Variants in MVB12B observed in about 807,000 individuals in gnomAD.
The protein encoded by MVB12B is multivesicular body subunit 12B.
Under a neutral mutation model 41.6 loss-of-function variants are expected in MVB12B, and 16 were observed. The observed-to-expected ratio is 0.38, with a 90% CI of 0.26 to 0.58. The LOEUF is 0.58. Ranked by LOEUF, MVB12B falls within the 20% of genes least tolerant of loss-of-function variation. MVB12B has a pLI of 0.62. For missense variants in MVB12B, 274 were observed against 380.2 expected (o/e 0.72, Z 2.32); for synonymous variants, 133 against 139.7 (o/e 0.95, Z 0.34).
intron 9 of MVB12B, among the ~76,000 whole-genome samples, chr9:126,500,918 ATGCTGGGCTG>A (rs1224410017): frequency 9.8e-5 from 15 of 152,310 alleles, no homozygotes; most frequent in Admixed American, 7.2e-4. Flanking sequence ...GGTGGCCTTC[ATGCTGGGCTG>A]TGCTGGGCAT....
intron 7 of MVB12B, among the ~76,000 whole-genome samples, chr9:126,475,428 A>G (rs1833401888): frequency 6.6e-6 from 1 of 152,212 alleles, no homozygotes; most frequent in Non-Finnish European, 1.5e-5. Flanking sequence ...GTATTTATCC[A>G]TCTTGTGTAC....
chr9:126,483,589 G>A (rs1449944531), intron 8 of MVB12B, among the ~76,000 whole-genome samples: 3 of 152,212 alleles, frequency 2.0e-5, no homozygotes, highest in Middle Eastern at 3.4e-3. Flanking sequence ...GGGCACCTCC[G>A]GTTTATAGCT....
chr9:126,451,114 G>C (rs11790214), intron 7 of MVB12B, among the ~76,000 whole-genome samples: 2 of 152,202 alleles, frequency 1.3e-5, no homozygotes, highest in Non-Finnish European at 2.9e-5. Context: ...GGGGTCAGAG[G>C]AGGAGGAAGA....
intron 7 of MVB12B, among the ~76,000 whole-genome samples, chr9:126,435,029 C>T (rs892114273): frequency 8.5e-5 from 13 of 152,054 alleles, no homozygotes; most frequent in Non-Finnish European, 1.6e-4. Context: ...TTGTATCCAC[C>T]CTTTCCAGCT....
chr9:126,399,425 G>A (rs1029995871), intron 6 of MVB12B, among the ~76,000 whole-genome samples: 2 of 152,212 alleles, frequency 1.3e-5, no homozygotes, highest in Non-Finnish European at 2.9e-5. Flanking sequence ...CTTTGGGGCT[G>A]GGCCCAGCTT....
At chr9:126,498,419 C>T (rs1312573318) in intron 9 of MVB12B, among the ~76,000 whole-genome samples, 1 of 152,238 alleles carries the variant, frequency 6.6e-6, no homozygotes, top group Non-Finnish European at 1.5e-5. Flanking sequence ...TGGCCCCAGC[C>T]TTGGCCCCTT....
At chr9:126,479,679 A>C (rs896829720) in intron 7 of MVB12B, among the ~76,000 whole-genome samples, 2 of 152,216 alleles carry the variant, frequency 1.3e-5, no homozygotes, top group Non-Finnish European at 2.9e-5. Flanking sequence ...GCCTCTGACC[A>C]GGAGTCTCTG....
At chr9:126,433,717 C>T (rs751718576) in intron 7 of MVB12B, among the ~76,000 whole-genome samples, 2 of 152,134 alleles carry the variant, frequency 1.3e-5, no homozygotes, top group Non-Finnish European at 2.9e-5. Flanking sequence ...GCCATTGCAG[C>T]CCGTGAGCAT....
At chr9:126,370,231 G>A (rs921656076) in intron 2 of MVB12B, among the ~76,000 whole-genome samples, 25 of 152,234 alleles carry the variant, frequency 1.6e-4, no homozygotes, top group African/African-American at 6.0e-4. Flanking sequence ...ATATGGACAT[G>A]TGCCCTCTGA....
chr9:126,468,003 T>C lies in MVB12B; in HGVS notation c.758-13366T>C, dbSNP rs1247153615. On this transcript the variant is annotated intron_variant, in intron 7 of 9. Coordinates refer to ENST00000361171, the MANE Select transcript of MVB12B (RefSeq NM_033446.3). This position sits in a 1 kb window ranked among gnomAD's most constrained non-coding sequence, Gnocchi z 4.3. ...ATATATGTACACATATACATATAAG[T>C]GTACACACACACAGATGTGCGCTTA... Among the ~76,000 whole-genome samples, 1 of 152,204 alleles carries C rather than the reference T, an allele frequency of 6.6e-6. No individual in the cohort carries two copies. Among genetic ancestry groups the C allele is most frequent in the African/African-American group, 2.4e-5 (1 of 41,438 alleles).
intron 7 of MVB12B, among the ~76,000 whole-genome samples, chr9:126,433,672 C>A (rs1832387650): frequency 6.6e-6 from 1 of 152,048 alleles, no homozygotes. Flanking sequence ...CTCCTAAGAG[C>A]CAACTTCTCC....
At chr9:126,420,536 C>G (rs1451728054) in intron 6 of MVB12B, among the ~76,000 whole-genome samples, 1 of 151,344 alleles carries the variant, frequency 6.6e-6, no homozygotes, top group Admixed American at 6.6e-5. Context: ...CATCCCCTCC[C>G]TGGAGAGCCT....
chr9:126,336,145 C>T (rs890822405), intron 1 of MVB12B, among the ~76,000 whole-genome samples: 5 of 152,226 alleles, frequency 3.3e-5, no homozygotes, highest in African/African-American at 4.8e-5. Context: ...GCCCACACCC[C>T]GCTGCTGGAA....
rs1403305425 is a variant in MVB12B, at chr9:126,436,497, C to T, written c.757+14549C>T. ...ACACACAGGATTTGAAAAAGTCTGC[C>T]ACTTAGTATAAAAGTGAAAAGGTTA... On this transcript the variant is annotated intron_variant, in intron 7 of 9. Transcript: ENST00000361171. This position sits in a 1 kb window ranked among gnomAD's most constrained non-coding sequence, Gnocchi z 4.1. Among the ~76,000 whole-genome samples the T allele has an allele frequency of 6.6e-6, 1 of 152,154 alleles. No homozygotes were observed. The highest frequency in any genetic ancestry group is 1.5e-5 in the Non-Finnish European group (1 of 68,030).
At position 126,326,965 on chromosome 9, in the gene MVB12B, C is replaced by CCCG. The variant is rs766091905; in HGVS notation, c.47_49dup (p.Pro16dup). 5.3e-5 allele frequency: 14 copies of CCCG among 264,194 alleles called. No individual in the cohort carries two copies. The highest frequency in any genetic ancestry group is 1.8e-4 in the Admixed American group (4 of 22,600). 16.4% of individuals were successfully genotyped at this position (264,194 alleles called of 1,614,324 possible). On this transcript the variant is annotated inframe_insertion, in exon 1 of 10. Transcript: ENST00000361171. ...GCTTCTGCGTGAGACGGAGCCGGGACCCGCCGCCGCCGCAGCCACCGCCGC... is the reference window on the plus strand; with the variant it reads ...GCTTCTGCGTGAGACGGAGCCGGGACCCGCCGCCGCCGCCGCAGCCACCGCCGC...
chr9:126,502,465 TG>T (rs1833978178), intron 9 of MVB12B, among the ~76,000 whole-genome samples: 1 of 152,186 alleles, frequency 6.6e-6, no homozygotes, highest in African/African-American at 2.4e-5. Flanking sequence ...TTAGGTGAGC[TG>T]GGGTCTCTGG....
At chr9:126,402,275 T>C (rs1221593228) in intron 6 of MVB12B, among the ~76,000 whole-genome samples, 4 of 152,168 alleles carry the variant, frequency 2.6e-5, no homozygotes, top group African/African-American at 4.8e-5. Flanking sequence ...TCCACTTCCA[T>C]AGTGGCAAGA....
At chr9:126,329,086 T>G (rs1389504051) in intron 1 of MVB12B, among the ~76,000 whole-genome samples, 1 of 152,162 alleles carries the variant, frequency 6.6e-6, no homozygotes, top group African/African-American at 2.4e-5. Flanking sequence ...CCTGGCCTAT[T>G]ATTTAGTCTT....
At chr9:126,407,237 G>A (rs536424789) in intron 6 of MVB12B, among the ~76,000 whole-genome samples, 18 of 152,270 alleles carry the variant, frequency 1.2e-4, no homozygotes, top group South Asian at 1.0e-3. Context: ...CCCAAAAAGC[G>A]TTTTTACGGC....
Sources: allele counts gnomAD v4.1 joint callset (sites outside exome capture counted in the v4.1 genomes callset), GRCh38; gene constraint gnomAD v4.1.1; non-coding constraint Gnocchi (gnomAD v3.1); transcripts MANE v1.5; gene names NCBI Gene and HGNC (gene_info 2026-07-23, HGNC 2026-07-21).